Variants in SYCP1 observed in about 807,000 individuals in gnomAD.
SYCP1 encodes the protein synaptonemal complex protein 1.
SYCP1 carries 64 observed loss-of-function variants against 153.1 expected under a neutral mutation model. The ratio of observed to expected loss-of-function variants is 0.42; its 90% CI spans 0.34 to 0.51. The LOEUF (loss-of-function observed/expected upper bound fraction) is 0.51, where lower values mean the gene tolerates loss of function less well. Among genes scored for constraint, SYCP1 ranks in the 20% least tolerant of loss-of-function variants. The pLI, the probability that SYCP1 is intolerant of heterozygous loss-of-function variation, is 0.06. For missense variants in SYCP1, 997 were observed against 1,049.0 expected (o/e 0.95, Z 0.68); for synonymous variants, 384 against 341.8 (o/e 1.12, Z -1.36).
At position 114,946,396 on chromosome 1, in the gene SYCP1, A is replaced by C. The variant is rs1385942421; in HGVS notation, c.2247+15A>C. 1 of 1,528,824 alleles carries C rather than the reference A, an allele frequency of 6.5e-7. No homozygotes were observed. Among genetic ancestry groups the C allele is most frequent in the East Asian group, 2.5e-5 (1 of 40,592 alleles). The allele number at this position is 1,528,824 out of a possible 1,614,324, so 94.7% of individuals were successfully genotyped here. A position where few individuals can be genotyped will look rare whatever the true frequency, so the allele number is the denominator to read the frequency against. ...GAGCATCTTTGGTGAGATACAGAAA[A>C]AATTGCAGTAACGGCCAGTTTTCAT... On this transcript the variant is annotated intron_variant, in intron 26 of 31. Transcript: ENST00000369522.
chr1:114,948,054 C>T (rs1670856470), intron 27 of SYCP1, among the ~76,000 whole-genome samples: 1 of 151,506 alleles, frequency 6.6e-6, no homozygotes, highest in African/African-American at 2.4e-5. Context: ...GCTATCCCTA[C>T]CCCCTGGAAC....
intron 8 of SYCP1, among the ~76,000 whole-genome samples, chr1:114,874,046 C>G (rs1665347180): frequency 6.6e-6 from 1 of 152,130 alleles, no homozygotes; most frequent in Admixed American, 6.5e-5. Flanking sequence ...CATAGTGTAT[C>G]TCTCAGATTT....
At chr1:114,962,794 T>A (rs2101888659) in intron 27 of SYCP1, among the ~76,000 whole-genome samples, 1 of 152,304 alleles carries the variant, frequency 6.6e-6, no homozygotes, top group South Asian at 2.1e-4. Context: ...GGAAATTCTA[T>A]TTTGGTGTAT....
At chr1:114,948,011 A>C (rs1324327295) in intron 27 of SYCP1, among the ~76,000 whole-genome samples, 2 of 151,576 alleles carry the variant, frequency 1.3e-5, no homozygotes, top group Admixed American at 1.3e-4. Context: ...GCACCCATTA[A>C]CTCGTCGTTT....
intron 27 of SYCP1, among the ~76,000 whole-genome samples, chr1:114,951,186 G>A (rs945870762): frequency 6.6e-5 from 10 of 152,298 alleles, no homozygotes; most frequent in African/African-American, 2.4e-4. Context: ...AAAGGAAAAT[G>A]TTGATGGAAT....
chr1:114,910,299 G>A, intron 16 of SYCP1, 98 bp from the exon 17 acceptor site: 1 of 727,376 alleles, frequency 1.4e-6, no homozygotes, highest in Non-Finnish European at 2.2e-6. Flanking sequence ...TAGCCAGGGG[G>A]AAGCTCATAG....
chr1:114,949,475 T>C (rs1261926062), intron 27 of SYCP1, among the ~76,000 whole-genome samples: 1 of 152,210 alleles, frequency 6.6e-6, no homozygotes, highest in Non-Finnish European at 1.5e-5. Context: ...TTTCTTCTTT[T>C]GATAGTTAAG....
chr1:114,857,815 G>A (rs938449317), intron 5 of SYCP1, among the ~76,000 whole-genome samples: 1 of 151,956 alleles, frequency 6.6e-6, no homozygotes, highest in Non-Finnish European at 1.5e-5. Flanking sequence ...CTGGTTTATT[G>A]TATAAGGAAT....
At chr1:114,886,357 A>G (rs914489578) in intron 14 of SYCP1, 48 bp downstream of exon 14, 3 of 1,404,878 alleles carry the variant, frequency 2.1e-6, no homozygotes, top group Non-Finnish European at 1.9e-6. Flanking sequence ...AATAAAAACA[A>G]TTTACTTTTA....
At chr1:114,952,388 G>C (rs1316546958) in intron 27 of SYCP1, among the ~76,000 whole-genome samples, 1 of 152,072 alleles carries the variant, frequency 6.6e-6, no homozygotes, top group African/African-American at 2.4e-5. Flanking sequence ...GTTCTAATTT[G>C]CGTTTTTCTG....
chr1:114,948,858 C>G (rs1432438132), intron 27 of SYCP1, among the ~76,000 whole-genome samples: 1 of 152,166 alleles, frequency 6.6e-6, no homozygotes, highest in Non-Finnish European at 1.5e-5. Flanking sequence ...TGGCTTAACT[C>G]TTGATGCTAT....
At chr1:114,857,157 A>AAAAAAAAAAAAT (rs1664040863) in intron 3 of SYCP1, 75 bp from the exon 4 acceptor site, 2 of 881,502 alleles carry the variant, frequency 2.3e-6, no homozygotes, top group Non-Finnish European at 3.2e-6. Context: ...AAAAAAAAAA[A>AAAAAAAAAAAAT]GAGAAAAAAG....
intron 15 of SYCP1, among the ~76,000 whole-genome samples, chr1:114,894,163 T>G (rs1666910756): frequency 6.6e-6 from 1 of 152,166 alleles, no homozygotes; most frequent in Non-Finnish European, 1.5e-5. Context: ...AAATTAAGTA[T>G]TTTTACCTGA....
At chr1:114,869,069 T>C (rs1440437501) in intron 8 of SYCP1, among the ~76,000 whole-genome samples, 2 of 152,162 alleles carry the variant, frequency 1.3e-5, no homozygotes, top group Non-Finnish European at 2.9e-5. Flanking sequence ...TTACTTCTTT[T>C]CTCCTTCTTA....
At chr1:114,891,015 T>C (rs1214026517) in intron 15 of SYCP1, among the ~76,000 whole-genome samples, 1 of 152,190 alleles carries the variant, frequency 6.6e-6, no homozygotes, top group African/African-American at 2.4e-5. Context: ...CCATTTGTCC[T>C]AATCTTTATT....
intron 20 of SYCP1, among the ~76,000 whole-genome samples, chr1:114,914,290 T>G (rs1054221720): frequency 7.9e-5 from 12 of 151,878 alleles, no homozygotes; most frequent in African/African-American, 2.9e-4. Context: ...CTTCTAATTC[T>G]TTAATATTTA....
chr1:114,964,657 G>C (rs2101894118), intron 27 of SYCP1, among the ~76,000 whole-genome samples: 1 of 152,070 alleles, frequency 6.6e-6, no homozygotes. Context: ...TCTTGTTTTT[G>C]TCATGTTTGT....
chr1:114,982,070 CT>C, intron 29 of SYCP1, among the ~76,000 whole-genome samples: 1 of 152,026 alleles, frequency 6.6e-6, no homozygotes, highest in East Asian at 1.9e-4. Context: ...ATTCATACAA[CT>C]TTTCCATGCT....
At chr1:114,870,009 T>TTTTA (rs760990734) in intron 8 of SYCP1, among the ~76,000 whole-genome samples, 4 of 152,218 alleles carry the variant, frequency 2.6e-5, no homozygotes, top group Non-Finnish European at 5.9e-5. Flanking sequence ...AGCATTTTAT[T>TTTTA]TTTATTTATT....
Sources: allele counts gnomAD v4.1 joint callset (sites outside exome capture counted in the v4.1 genomes callset), GRCh38; gene constraint gnomAD v4.1.1; transcripts MANE v1.5; gene names NCBI Gene and HGNC (gene_info 2026-07-23, HGNC 2026-07-21).